The following WDR72 variants were observed in gnomAD, a reference collection of about 807,000 sequenced individuals.
WDR72 encodes WD repeat-containing protein 72.
A neutral mutation model predicts 124.2 loss-of-function variants in WDR72; 120 were observed. That is an observed-to-expected ratio of 0.97 (90% confidence interval 0.83 to 1.12). WDR72 has a LOEUF of 1.12. Ranked by LOEUF, WDR72 falls within the 50% of genes most tolerant of loss-of-function variation. WDR72 has a pLI of 0.00. For synonymous variants in WDR72, 452 were observed against 441.7 expected (o/e 1.02, Z -0.29); for missense variants, 1,387 against 1,278.8 (o/e 1.08, Z -1.29).
At chr15:53,712,727 T>C (rs367837394) in intron 7 of WDR72, 45 bp downstream of exon 7, 2 of 1,576,468 alleles carry the variant, frequency 1.3e-6, no homozygotes, top group Non-Finnish European at 1.7e-6. Context: ...ACAAAAAAAA[T>C]TACACTTGTA....
At chr15:53,646,498 T>A (rs1056678554) in intron 14 of WDR72, among the ~76,000 whole-genome samples, 1 of 151,860 alleles carries the variant, frequency 6.6e-6, no homozygotes, top group Non-Finnish European at 1.5e-5. Flanking sequence ...GAGTGAGGGA[T>A]AGAAAAAGAA....
chr15:53,516,848 T>C lies in WDR72; in HGVS notation c.*851A>G, dbSNP rs1891489210. 1.3e-5 allele frequency: 2 copies of C among 152,086 alleles called. No individual in the cohort carries two copies. Among genetic ancestry groups the C allele is most frequent in the African/African-American group, 2.4e-5 (1 of 41,450 alleles). 9.4% of individuals were successfully genotyped at this position (152,086 alleles called of 1,614,324 possible). A position where few individuals can be genotyped will look rare whatever the true frequency, so the allele number is the denominator to read the frequency against. On this transcript the variant is annotated 3_prime_UTR_variant, in exon 20 of 20. Transcript: ENST00000360509. ...ACCAAAGGCTTTAATAGAAGAGCAC[T>C]TTATGTCTATTCCTATTTATGCTGT...
chr15:53,589,536 G>C (rs1206917363), intron 18 of WDR72, among the ~76,000 whole-genome samples: 1 of 150,268 alleles, frequency 6.7e-6, no homozygotes, highest in African/African-American at 2.4e-5. Context: ...TGTCCTTGAA[G>C]GGTCAGTGTC....
intron 14 of WDR72, among the ~76,000 whole-genome samples, chr15:53,658,936 G>A (rs1167190090): frequency 6.6e-6 from 1 of 152,166 alleles, no homozygotes; most frequent in Non-Finnish European, 1.5e-5. Context: ...TTTTTCAGCA[G>A]TGCAGTAAGG....
chr15:53,541,119 C>T (rs924347528), intron 18 of WDR72: 4 of 154,674 alleles, frequency 2.6e-5, no homozygotes, highest in Non-Finnish European at 5.7e-5. Context: ...AGCCGGGAAG[C>T]TAGAACTGGG....
chr15:53,678,127 T>C (rs893738079), intron 13 of WDR72, among the ~76,000 whole-genome samples: 3 of 152,308 alleles, frequency 2.0e-5, no homozygotes, highest in Admixed American at 1.3e-4. Flanking sequence ...AGAAGAGAAC[T>C]GAAGAAAGAA....
chr15:53,698,864 G>A (rs1011746076), intron 13 of WDR72, among the ~76,000 whole-genome samples: 5 of 152,172 alleles, frequency 3.3e-5, no homozygotes, highest in African/African-American at 1.2e-4. Context: ...ATGGGAAAAT[G>A]AGCAGGAAAG....
At chr15:53,646,770 A>G (rs2015056999) in intron 14 of WDR72, among the ~76,000 whole-genome samples, 1 of 152,174 alleles carries the variant, frequency 6.6e-6, no homozygotes, top group South Asian at 2.1e-4. Context: ...AAATACTGAA[A>G]TGATAGAAAA....
intron 18 of WDR72, among the ~76,000 whole-genome samples, chr15:53,545,162 C>G (rs1250606392): frequency 1.1e-4 from 17 of 151,062 alleles, no homozygotes; most frequent in African/African-American, 4.2e-4. Context: ...GAAAAAACTA[C>G]TTTAAAGTTC....
At chr15:53,751,538 C>T (rs1034124258) in intron 1 of WDR72, among the ~76,000 whole-genome samples, 4 of 152,094 alleles carry the variant, frequency 2.6e-5, no homozygotes, top group Non-Finnish European at 4.4e-5. Flanking sequence ...CACTGGGAAT[C>T]CAAAATAAAT....
chr15:53,556,215 T>G (rs1025240929), intron 18 of WDR72, among the ~76,000 whole-genome samples: 3 of 152,128 alleles, frequency 2.0e-5, no homozygotes, highest in Non-Finnish European at 4.4e-5. Flanking sequence ...TACCAACAGT[T>G]AAATAATGAG....
chr15:53,579,310 T>A (rs555812878), intron 18 of WDR72, among the ~76,000 whole-genome samples: 25 of 152,218 alleles, frequency 1.6e-4, no homozygotes, highest in African/African-American at 5.8e-4. Flanking sequence ...AATAATACAT[T>A]AACCAGAATT....
At chr15:53,543,842 AC>A (rs1258572823) in intron 18 of WDR72, among the ~76,000 whole-genome samples, 2 of 152,218 alleles carry the variant, frequency 1.3e-5, no homozygotes, top group Non-Finnish European at 1.5e-5. Flanking sequence ...AATACAAACT[AC>A]CATCAGAGTA....
At chr15:53,556,291 G>T (rs1414988976) in intron 18 of WDR72, among the ~76,000 whole-genome samples, 1 of 152,082 alleles carries the variant, frequency 6.6e-6, no homozygotes, top group South Asian at 2.1e-4. Flanking sequence ...ATCAGCATAA[G>T]AACAAATTGT....
intron 18 of WDR72, among the ~76,000 whole-genome samples, chr15:53,545,527 G>T (rs1327032406): frequency 6.6e-6 from 1 of 151,816 alleles, no homozygotes; most frequent in Admixed American, 6.6e-5. Flanking sequence ...ATGGATTAAA[G>T]ACTTAAACGT....
At chr15:53,746,576 A>G (rs1388556842) in intron 1 of WDR72, among the ~76,000 whole-genome samples, 1 of 152,210 alleles carries the variant, frequency 6.6e-6, no homozygotes, top group Non-Finnish European at 1.5e-5. Flanking sequence ...TCTGCCACTT[A>G]TAGTTATGTG....
chr15:53,609,532 C>T lies in WDR72; in HGVS notation c.2933G>A (p.Trp978Ter), dbSNP rs1386157965. 1 of 1,613,456 alleles carries T rather than the reference C, an allele frequency of 6.2e-7. No homozygotes were observed. Reference protein sequence around the residue: ...DLSLLKLISCWRDQSVQVTEA... With the variant: ...DLSLLKLISC ...TCATACCTGCACAGACTGGTCTCTC[C>T]AACAGGAAATTAGCTTCAAAAGTGA... Residue 978 changes from tryptophan (W) to a stop codon, truncating the protein, a stop_gained, in exon 17 of 20, where the codon TGG (tryptophan) becomes TAG (stop). Coordinates refer to ENST00000360509, the MANE Select transcript of WDR72 (RefSeq NM_182758.4). LOFTEE classifies it high-confidence loss of function.
intron 18 of WDR72, among the ~76,000 whole-genome samples, chr15:53,553,184 G>A (rs1047031588): frequency 6.6e-6 from 1 of 152,130 alleles, no homozygotes; most frequent in Non-Finnish European, 1.5e-5. Context: ...CAAGATAGCG[G>A]CTTCATCATT....
chr15:53,571,994 C>T (rs1894546659), intron 18 of WDR72, among the ~76,000 whole-genome samples: 1 of 151,914 alleles, frequency 6.6e-6, no homozygotes, highest in Non-Finnish European at 1.5e-5. Context: ...TTTCATATAC[C>T]TGTTGGCCAT....
Sources: gnomAD v4.1 joint callset for allele counts (sites outside exome capture counted in the v4.1 genomes callset) on GRCh38, gnomAD v4.1.1 for gene constraint, MANE v1.5 for transcripts, NCBI Gene and HGNC (gene_info 2026-07-23, HGNC 2026-07-21) for gene names.